Variants in PLEKHA7 observed in about 807,000 individuals in gnomAD.
PLEKHA7 encodes the protein pleckstrin homology domain containing A7.
A neutral mutation model predicts 170.0 loss-of-function variants in PLEKHA7; 104 were observed. That is an observed-to-expected ratio of 0.61 (90% CI 0.52 to 0.72). PLEKHA7 has a LOEUF of 0.72. Among genes scored for constraint, PLEKHA7 ranks in the 30% least tolerant of loss-of-function variants. The pLI is 0.00. For missense variants in PLEKHA7, 1,615 were observed against 1,671.7 expected (o/e 0.97, Z 0.59); for synonymous variants, 648 against 660.8 (o/e 0.98, Z 0.30).
intron 3 of PLEKHA7, among the ~76,000 whole-genome samples, chr11:16,871,684 T>C (rs1191227250): frequency 6.6e-6 from 1 of 152,190 alleles, no homozygotes; most frequent in Non-Finnish European, 1.5e-5. Flanking sequence ...AGTGATGGGA[T>C]ATAAATGTAT....
chr11:17,005,292 G>A (rs2137075797), intron 3 of PLEKHA7, among the ~76,000 whole-genome samples: 1 of 151,286 alleles, frequency 6.6e-6, no homozygotes, highest in South Asian at 2.1e-4. Flanking sequence ...GCACTTCCAG[G>A]AGGCCAAGGT....
At chr11:16,845,852 C>T (rs1852358281) in intron 8 of PLEKHA7, among the ~76,000 whole-genome samples, 3 of 152,178 alleles carry the variant, frequency 2.0e-5, no homozygotes, top group Middle Eastern at 6.8e-3. Flanking sequence ...GAGGAGCAGA[C>T]AGGGTCTGGA....
intron 16 of PLEKHA7, 94 bp from the exon 17 acceptor site, chr11:16,801,169 C>A: frequency 9.2e-7 from 1 of 1,089,802 alleles, no homozygotes; most frequent in Non-Finnish European, 1.4e-6. Flanking sequence ...GCTGACCCAG[C>A]CAGGGGAAGA....
intron 3 of PLEKHA7, among the ~76,000 whole-genome samples, chr11:16,925,809 A>G (rs1278106918): frequency 6.6e-6 from 1 of 152,236 alleles, no homozygotes; most frequent in African/African-American, 2.4e-5. Context: ...AGCGGTCCAG[A>G]GCGCGCCCCA....
intron 3 of PLEKHA7, 48 bp downstream of exon 3, chr11:17,013,941 C>CT (rs1491457494): frequency 4.0e-6 from 4 of 1,005,906 alleles, no homozygotes; most frequent in Non-Finnish European, 5.2e-6. Context: ...CGGGGAGGGA[C>CT]CCCCCCCCCG....
At chr11:16,909,848 T>C (rs1273607059) in intron 3 of PLEKHA7, among the ~76,000 whole-genome samples, 2 of 152,230 alleles carry the variant, frequency 1.3e-5, no homozygotes, top group East Asian at 1.9e-4. Flanking sequence ...TAAAGTGTCA[T>C]GGTTTCACTT....
At chr11:16,947,318 T>C (rs1860025) in intron 3 of PLEKHA7, among the ~76,000 whole-genome samples, 125,491 of 152,146 alleles carry the variant, frequency 0.82, 52,260 homozygotes, top group South Asian at 0.9. Context: ...AGGCTGGGTG[T>C]GGTGGCTCAC....
At chr11:16,786,174 TGG>T in intron 24 of PLEKHA7, 53 bp downstream of exon 24, 1 of 1,525,754 alleles carries the variant, frequency 6.6e-7, no homozygotes, top group Non-Finnish European at 8.8e-7. Flanking sequence ...TGGATCAGGC[TGG>T]GAACTTGAAG....
chr11:16,962,335 C>A (rs532353985), intron 3 of PLEKHA7, among the ~76,000 whole-genome samples: 1 of 152,172 alleles, frequency 6.6e-6, no homozygotes, highest in Non-Finnish European at 1.5e-5. Context: ...AGACTCTTGG[C>A]GACCAGTCAA....
intron 23 of PLEKHA7, chr11:16,788,041 T>C (rs904513125): frequency 2.6e-5 from 4 of 152,382 alleles, no homozygotes; most frequent in Non-Finnish European, 5.9e-5. Flanking sequence ...ACCTCAGTCT[T>C]GGGAGAATGT....
chr11:16,936,787 G>C (rs1040028238), intron 3 of PLEKHA7, among the ~76,000 whole-genome samples: 1 of 152,244 alleles, frequency 6.6e-6, no homozygotes, highest in African/African-American at 2.4e-5. Context: ...CCTAAACTCA[G>C]GCGATATTGG....
chr11:16,955,256 T>C (rs1258834709), intron 3 of PLEKHA7, among the ~76,000 whole-genome samples: 1 of 152,222 alleles, frequency 6.6e-6, no homozygotes, highest in African/African-American at 2.4e-5. Context: ...ATTCCTCTGC[T>C]ACCCATCAAC....
intron 3 of PLEKHA7, among the ~76,000 whole-genome samples, chr11:16,979,265 C>T (rs1321195156): frequency 2.0e-5 from 3 of 152,138 alleles, no homozygotes; most frequent in South Asian, 2.1e-4. Flanking sequence ...CCTAACCTCA[C>T]GACCCACCTG....
chr11:16,855,108 T>G, intron 5 of PLEKHA7, 115 bp from the exon 6 acceptor site: 2 of 777,712 alleles, frequency 2.6e-6, no homozygotes, highest in East Asian at 5.1e-5. Flanking sequence ...GGCAGCACCC[T>G]TTGATCAAAT....
intron 13 of PLEKHA7, among the ~76,000 whole-genome samples, chr11:16,811,719 T>A (rs752976490): frequency 6.6e-6 from 1 of 152,164 alleles, no homozygotes; most frequent in Non-Finnish European, 1.5e-5. Context: ...AGCTCCTTGT[T>A]CTCCTCACAT....
chr11:16,822,574 T>C (rs1850319646), intron 10 of PLEKHA7, among the ~76,000 whole-genome samples: 1 of 150,526 alleles, frequency 6.6e-6, no homozygotes, highest in Non-Finnish European at 1.5e-5. Flanking sequence ...TGCAGCACCG[T>C]GCACTGCTGA....
intron 10 of PLEKHA7, among the ~76,000 whole-genome samples, chr11:16,820,678 T>G (rs1484244086): frequency 6.6e-6 from 1 of 152,186 alleles, no homozygotes; most frequent in African/African-American, 2.4e-5. Context: ...CTCCCACCCA[T>G]ACGCCCTTCC....
At chr11:16,990,257 G>C (rs1863952731) in intron 3 of PLEKHA7, among the ~76,000 whole-genome samples, 2 of 119,062 alleles carry the variant, frequency 1.7e-5, no homozygotes, top group South Asian at 3.0e-4. Flanking sequence ...CTGGGCAACA[G>C]AGCAAGACCC....
intron 26 of PLEKHA7, among the ~76,000 whole-genome samples, 173 bp from the exon 27 acceptor site, chr11:16,779,193 C>T (rs1848839541): frequency 6.6e-6 from 1 of 152,188 alleles, no homozygotes; most frequent in South Asian, 2.1e-4. Context: ...GGGCTCTTGC[C>T]CCACCCTCCC....
Sources: gnomAD v4.1 joint callset for allele counts (sites outside exome capture counted in the v4.1 genomes callset) on GRCh38, gnomAD v4.1.1 for gene constraint, MANE v1.5 for transcripts, NCBI Gene and HGNC (gene_info 2026-07-23, HGNC 2026-07-21) for gene names.